EMILIN2: variants seen among roughly 807,000 people sequenced by gnomAD.
The protein encoded by EMILIN2 is EMILIN-2.
In EMILIN2, 71 loss-of-function variants were observed where a neutral mutation model predicts 87.1. The ratio of observed to expected loss-of-function variants is 0.82; its 90% CI spans 0.67 to 0.99. The LOEUF (loss-of-function observed/expected upper bound fraction) is 0.99. Ranked by LOEUF, EMILIN2 falls within the 50% of genes least tolerant of loss-of-function variation. The pLI is 0.00. For missense variants in EMILIN2, 1,407 were observed against 1,371.8 expected, an observed-to-expected ratio of 1.03 and a Z score of -0.40; for synonymous variants, 581 against 563.4, an observed-to-expected ratio of 1.03 and a Z score of -0.44.
chr18:2,866,045 A>G (rs1028580423), intron 2 of EMILIN2, among the ~76,000 whole-genome samples: 1 of 152,202 alleles, frequency 6.6e-6, no homozygotes, highest in South Asian at 2.1e-4. Context: ...GCTGTTTGCT[A>G]AGACCATTGG....
At chr18:2,875,998 T>G (rs75350712) in intron 2 of EMILIN2, among the ~76,000 whole-genome samples, 3 of 126,878 alleles carry the variant, frequency 2.4e-5, no homozygotes, top group Admixed American at 7.8e-5. Context: ...TTTTTTTTTT[T>G]TGAGATGGAG....
At chr18:2,861,939 G>A (rs1411123040) in intron 2 of EMILIN2, among the ~76,000 whole-genome samples, 7 of 152,090 alleles carry the variant, frequency 4.6e-5, no homozygotes, top group Non-Finnish European at 1.0e-4. Flanking sequence ...TCCTTGAAGA[G>A]GTCCTTCACA....
chr18:2,913,485 G>A lies in EMILIN2; in HGVS notation c.*81G>A, dbSNP rs946904838. 8.6e-6 allele frequency: 10 copies of A among 1,168,210 alleles called. No homozygotes were observed. The East Asian group carries it at 1.5e-4, about 17-fold the overall frequency. The allele number at this position is 1,168,210 out of a possible 1,614,324, so 72.4% of individuals were successfully genotyped here. On this transcript the variant is annotated 3_prime_UTR_variant, in exon 8 of 8. Coordinates refer to ENST00000254528, the MANE Select transcript of EMILIN2 (RefSeq NM_032048.3). ...TAATATATTCGGTTTGTATGTAATG[G>A]AAGCACGGGGCTAGAGTTTCCACAT...
At position 2,847,292 on chromosome 18, in the gene EMILIN2, G is replaced by C; in HGVS notation, c.104G>C (p.Gly35Ala). Reference protein sequence around the residue: ...AGLCHAGPQPGYPARPSARNK... With the variant: ...AGLCHAGPQPAYPARPSARNK... Reference sequence around the variant, plus strand: ...CTGTGCCACGCCGGCCCGCAGCCCGGGTATCCCGCGCGGCCCAGCGCCAGG... The same window carrying C: ...CTGTGCCACGCCGGCCCGCAGCCCGCGTATCCCGCGCGGCCCAGCGCCAGG... The change falls in exon 1 of 8, where the codon GGG becomes GCG. Residue 35 changes from glycine (G) to alanine (A), a missense_variant. By Grantham distance (60) the Gly-to-Ala change is moderately conservative. Coordinates refer to ENST00000254528, the MANE Select transcript of EMILIN2 (RefSeq NM_032048.3). This position sits in a 1 kb window ranked among gnomAD's most constrained non-coding sequence, Gnocchi z 4.5. 4.5e-6 allele frequency: 6 copies of C among 1,319,296 alleles called. No individual in the cohort carries two copies. Among genetic ancestry groups the C allele is most frequent in the Non-Finnish European group, 5.8e-6 (6 of 1,037,386 alleles). The allele number at this position is 1,319,296 out of a possible 1,614,324, so 81.7% of individuals were successfully genotyped here.
intron 2 of EMILIN2, among the ~76,000 whole-genome samples, chr18:2,868,652 C>G (rs1233506093): frequency 6.6e-6 from 1 of 152,264 alleles, no homozygotes; most frequent in Non-Finnish European, 1.5e-5. Context: ...GAAAACCAGT[C>G]AGGCGTGGGG....
chr18:2,888,730 A>G (rs554960557), intron 3 of EMILIN2, among the ~76,000 whole-genome samples: 2,317 of 149,010 alleles, frequency 0.016, 55 homozygotes, highest in African/African-American at 0.05. Context: ...AAAAAAAAAA[A>G]AGAGAGAGAG....
At position 2,915,086 on chromosome 18, in the gene EMILIN2, G is replaced by C. The variant is rs949384912; in HGVS notation, c.*1682G>C. 4.6e-5 allele frequency: 7 copies of C among 152,096 alleles called. No individual in the cohort carries two copies. Among genetic ancestry groups the C allele is most frequent in the Non-Finnish European group, 1.0e-4 (7 of 68,064 alleles). 9.4% of individuals were successfully genotyped at this position (152,096 alleles called of 1,614,324 possible). ...GACCGCACTCGGCGCCCAAGGGGAC[G>C]TGCTCAAGAGCTGCAGGGGCAGGGC... On this transcript the variant is annotated 3_prime_UTR_variant, in exon 8 of 8. Coordinates refer to ENST00000254528, the MANE Select transcript of EMILIN2 (RefSeq NM_032048.3).
Position 2,914,729 on chromosome 18 carries a change from G to A in EMILIN2, c.*1325G>A, listed in dbSNP as rs562179883. 3 of 152,132 alleles carry A rather than the reference G, an allele frequency of 2.0e-5. No homozygotes were observed. The East Asian group carries it at 5.8e-4, about 29-fold the overall frequency. 9.4% of individuals were successfully genotyped at this position (152,132 alleles called of 1,614,324 possible). A position where few individuals can be genotyped will look rare whatever the true frequency, so the allele number is the denominator to read the frequency against. On this transcript the variant is annotated 3_prime_UTR_variant, in exon 8 of 8. Transcript: ENST00000254528. ...TTATGCTGTAAAAAAAATGCTTTAA[G>A]AATTGTTTGCAAATGAATTTACAGG...
At chr18:2,863,696 G>A (rs1032147791) in intron 2 of EMILIN2, among the ~76,000 whole-genome samples, 5 of 152,212 alleles carry the variant, frequency 3.3e-5, no homozygotes, top group Non-Finnish European at 7.3e-5. Flanking sequence ...TGTATATTCT[G>A]TTGATTTGGG....
upstream of EMILIN2, chr18:2,846,688 G>T (rs1202525566): frequency 2.1e-6 from 2 of 940,240 alleles, no homozygotes; most frequent in African/African-American, 3.5e-5. This position sits in a 1 kb window ranked among gnomAD's most constrained non-coding sequence, Gnocchi z 5.3. Flanking sequence ...CGCGAGGACG[G>T]CCAGACTCGC....
At chr18:2,863,815 T>C (rs2143974278) in intron 2 of EMILIN2, among the ~76,000 whole-genome samples, 1 of 152,274 alleles carries the variant, frequency 6.6e-6, no homozygotes, top group African/African-American at 2.4e-5. Flanking sequence ...ATGTTGACAG[T>C]GGGGTGTTAA....
At chr18:2,884,732 C>T (rs758718306) in intron 2 of EMILIN2, among the ~76,000 whole-genome samples, 8 of 152,092 alleles carry the variant, frequency 5.3e-5, no homozygotes, top group Admixed American at 1.3e-4. Context: ...TGCTGGGAAA[C>T]GGGTGCTCAG....
intron 4 of EMILIN2, chr18:2,906,456 C>G: frequency 4.5e-6 from 1 of 222,154 alleles, no homozygotes. Context: ...TGCGACGCAC[C>G]CGCGGTTTCC....
intron 2 of EMILIN2, among the ~76,000 whole-genome samples, chr18:2,881,304 T>C (rs569669786): frequency 6.6e-6 from 1 of 152,170 alleles, no homozygotes; most frequent in Non-Finnish European, 1.5e-5. Context: ...CTCTTCCCCA[T>C]GCTAGACTTG....
intron 2 of EMILIN2, among the ~76,000 whole-genome samples, chr18:2,852,791 T>C (rs957679577): frequency 7.9e-5 from 12 of 152,344 alleles, no homozygotes; most frequent in Admixed American, 6.5e-4. Context: ...AGTGCTGGGA[T>C]TATAGGCGTG....
chr18:2,853,788 G>A (rs1309767998), intron 2 of EMILIN2, among the ~76,000 whole-genome samples: 3 of 152,202 alleles, frequency 2.0e-5, no homozygotes, highest in Admixed American at 6.5e-5. Flanking sequence ...GATGCCTACC[G>A]CAGCGGGTGC....
rs569046368 is a variant in EMILIN2 at position 2,869,604 on chromosome 18, A to AT, written c.258-15349dup. On this transcript the variant is annotated intron_variant, in intron 2 of 7. Coordinates refer to ENST00000254528, the MANE Select transcript of EMILIN2 (RefSeq NM_032048.3). ...ATGTTGTAGTATGTATCAGTAGCTGATTTTTTTTTTTGAGATGGGATCTCA... is the reference window on the plus strand; with the variant it reads ...ATGTTGTAGTATGTATCAGTAGCTGATTTTTTTTTTTTGAGATGGGATCTCA... Among the ~76,000 whole-genome samples, 89 of 148,922 alleles carry AT rather than the reference A, an allele frequency of 6.0e-4. 1 individual carries two copies. The highest frequency in any genetic ancestry group is 4.7e-3 in the East Asian group (24 of 5,098).
At chr18:2,893,033 C>G (rs1320154563) in intron 4 of EMILIN2, among the ~76,000 whole-genome samples, 8 of 151,992 alleles carry the variant, frequency 5.3e-5, no homozygotes, top group Non-Finnish European at 1.0e-4. Flanking sequence ...GCCTGGGCAA[C>G]AGAGTGAGGC....
At chr18:2,858,758 C>G (rs1462134363) in intron 2 of EMILIN2, among the ~76,000 whole-genome samples, 1 of 151,186 alleles carries the variant, frequency 6.6e-6, no homozygotes, top group Non-Finnish European at 1.5e-5. Context: ...ACCTCAGCCT[C>G]CCGAGTAGCT....
Sources: gnomAD v4.1 joint callset for allele counts (sites outside exome capture counted in the v4.1 genomes callset) on GRCh38, gnomAD v4.1.1 for gene constraint, Gnocchi (gnomAD v3.1) non-coding constraint, MANE v1.5 for transcripts, NCBI Gene and HGNC (gene_info 2026-07-23, HGNC 2026-07-21) for gene names.